The following CYB5R3 variants were observed in gnomAD, a reference collection of about 807,000 sequenced individuals.
CYB5R3 encodes the protein NADH-cytochrome b5 reductase 3.
Under a neutral mutation model 36.5 loss-of-function variants are expected in CYB5R3, and 28 were observed. That is an observed-to-expected ratio of 0.77 (90% CI 0.57 to 1.05). The LOEUF (loss-of-function observed/expected upper bound fraction) is 1.05, where lower values mean the gene tolerates loss of function less well. Among genes scored for constraint, CYB5R3 ranks in the 50% least tolerant of loss-of-function variants. The probability of loss-of-function intolerance (pLI) is 0.00; values close to 1 mark genes in which losing one functional copy is unlikely to be tolerated. For missense variants in CYB5R3, 474 were observed against 408.9 expected, an observed-to-expected ratio of 1.16 and a Z score of -1.37; for synonymous variants, 181 against 159.8, an observed-to-expected ratio of 1.13 and a Z score of -1.00.
intron 7 of CYB5R3, among the ~76,000 whole-genome samples, chr22:42,626,531 T>C (rs1287769357): frequency 1.3e-5 from 2 of 152,094 alleles, no homozygotes; most frequent in African/African-American, 4.8e-5. Context: ...ACTGCTGCCC[T>C]CTCTCCCTCC....
Position 42,618,551 on chromosome 22 carries a change from A to AAC in CYB5R3, c.*1221_*1222insGT, listed in dbSNP as rs1927759202. The AAC allele has an allele frequency of 6.7e-6, 1 of 149,894 alleles. No individual in the cohort carries two copies. Among genetic ancestry groups the AAC allele is most frequent in the African/African-American group, 2.5e-5 (1 of 40,568 alleles). The allele number at this position is 149,894 out of a possible 1,614,324, so 9.3% of individuals were successfully genotyped here. A position where few individuals can be genotyped will look rare whatever the true frequency, so the allele number is the denominator to read the frequency against. ...GACTCCGTCTCAAAAAAAAAAAAAA[A>AAC]AAAATACAAAAACTAGCTGGGTGTG... is the stretch of plus-strand genomic sequence containing the variant. On this transcript the variant is annotated 3_prime_UTR_variant, in exon 9 of 9. Transcript: ENST00000352397.
intron 5 of CYB5R3, 67 bp from the exon 6 acceptor site, chr22:42,627,755 A>G (rs982197175): frequency 2.4e-6 from 3 of 1,257,818 alleles, no homozygotes; most frequent in Non-Finnish European, 2.3e-6. Flanking sequence ...GAGAGGCTGG[A>G]GAGGGGGCTG....
At chr22:42,628,474 G>A (rs1928425083) in intron 4 of CYB5R3, among the ~76,000 whole-genome samples, 193 bp from the exon 5 acceptor site, 1 of 152,154 alleles carries the variant, frequency 6.6e-6, no homozygotes, top group Admixed American at 6.5e-5. Context: ...CGTCCTCCCA[G>A]GAGTCAGCCT....
Position 42,620,009 on chromosome 22 carries a change from C to T in CYB5R3, c.734-64G>A, listed in dbSNP as rs12106607. 8.0e-3 allele frequency: 11,572 copies of T among 1,445,772 alleles called. 754 individuals carry two copies. The African/African-American group carries it at 0.14, about 18-fold the overall frequency. The allele number at this position is 1,445,772 out of a possible 1,614,324, so 89.6% of individuals were successfully genotyped here. A position where few individuals can be genotyped will look rare whatever the true frequency, so the allele number is the denominator to read the frequency against. On this transcript the variant is annotated intron_variant, in intron 8 of 8. Transcript: ENST00000352397. ...TGTGGTCACCAACCTGCTGACCGAC[C>T]AACCCTAGGCGGTGAATTCCTTAAA...
Position 42,631,428 on chromosome 22 carries a change from C to T in CYB5R3, c.176G>A (p.Arg59His), listed in dbSNP as rs111154229. 1.3e-4 allele frequency: 208 copies of T among 1,551,482 alleles called. No individual in the cohort carries two copies. The highest frequency in any genetic ancestry group is 1.7e-4 in the Non-Finnish European group (190 of 1,146,970). Residue 59 changes from arginine (R) to histidine (H), a missense_variant, in exon 3 of 9, where the codon CGC becomes CAC. Coordinates refer to ENST00000352397, the MANE Select transcript of CYB5R3 (RefSeq NM_000398.7). The stretch of plus-strand genomic sequence containing the variant: ...GGGTGACGGCAGGGCAAAGCGGAAG[C>T]GCCGGGTGTCATGGCTGATGATCTG... ...DREIISHDTR[R>H]FRFALPSPQH...
intron 8 of CYB5R3, among the ~76,000 whole-genome samples, chr22:42,620,689 G>A (rs1036407386): frequency 1.3e-5 from 2 of 152,150 alleles, no homozygotes; most frequent in African/African-American, 2.4e-5. Flanking sequence ...TACACTCCAC[G>A]CTGTGAAGGT....
chr22:42,628,207 A>C lies in CYB5R3; in HGVS notation c.408T>G (p.Ile136Met), dbSNP rs1928401838. 6.2e-7 allele frequency: 1 copy of C among 1,614,086 alleles called. No homozygotes were observed. The highest frequency in any genetic ancestry group is 8.5e-7 in the Non-Finnish European group (1 of 1,179,974). Residue 136 changes from isoleucine (I) to methionine (M), a missense_variant, in exon 5 of 9, where the codon ATT becomes ATG. By Grantham distance (10) the Ile-to-Met change is conservative (BLOSUM62 1). Coordinates refer to ENST00000352397, the MANE Select transcript of CYB5R3 (RefSeq NM_000398.7). ...KMSQYLESMQ[I>M]GDTIEFRGPS... The stretch of plus-strand genomic sequence containing the variant: ...GGCCCCGGAACTCAATGGTGTCTCC[A>C]ATCTGCATGCTCTCCAGGTACTGAG...
At position 42,636,745 on chromosome 22, in the gene CYB5R3, G is replaced by C; in HGVS notation, c.123C>G (p.Ile41Met). ...TPAITLESPDIKYPLRLIDRE... is the reference protein window; with the variant it reads ...TPAITLESPDMKYPLRLIDRE... ...GGTCGATGAGCCGCAGCGGGTACTT[G>C]ATGTCCGGGCTCTCGAGGGTGATGG... Residue 41 changes from isoleucine to methionine, a missense_variant, in exon 2 of 9, where the codon ATC becomes ATG. Ile to Met is a conservative substitution (Grantham distance 10). Coordinates refer to ENST00000352397, the MANE Select transcript of CYB5R3 (RefSeq NM_000398.7). The C allele has an allele frequency of 6.2e-7, 1 of 1,613,504 alleles. No homozygotes were observed. Among genetic ancestry groups the C allele is most frequent in the Non-Finnish European group, 8.5e-7 (1 of 1,179,988 alleles).
At chr22:42,624,796 G>T (rs1928180431) in intron 7 of CYB5R3, among the ~76,000 whole-genome samples, 1 of 152,056 alleles carries the variant, frequency 6.6e-6, no homozygotes, top group Non-Finnish European at 1.5e-5. Flanking sequence ...TCCCAGGCTG[G>T]GCAAGGGCGG....
intron 7 of CYB5R3, among the ~76,000 whole-genome samples, chr22:42,626,490 C>T (rs1928274508): frequency 6.6e-6 from 1 of 152,142 alleles, no homozygotes; most frequent in Non-Finnish European, 1.5e-5. Flanking sequence ...TGACGGCCTC[C>T]ACAGACTCTG....
chr22:42,627,706 G>C lies in CYB5R3; in HGVS notation c.464-18C>G, dbSNP rs1010827622. On this transcript the variant is annotated intron_variant, in intron 5 of 8. Transcript: ENST00000352397. ...GAACTTCCCTGGGGAGAGAGAAGGGGTGAGGCCCGGCCATCAAACATGCCA... is the reference window on the plus strand; with the variant it reads ...GAACTTCCCTGGGGAGAGAGAAGGGCTGAGGCCCGGCCATCAAACATGCCA... The C allele has an allele frequency of 1.3e-6, 2 of 1,579,562 alleles. No homozygotes were observed.
rs781677617 is a variant in CYB5R3, at chr22:42,627,587, G to A, written c.547+18C>T. 6 of 1,610,334 alleles carry A rather than the reference G, an allele frequency of 3.7e-6. No homozygotes were observed. The highest frequency in any genetic ancestry group is 3.3e-5 in the South Asian group (3 of 91,024). On this transcript the variant is annotated intron_variant, in intron 6 of 8. Coordinates refer to ENST00000352397, the MANE Select transcript of CYB5R3 (RefSeq NM_000398.7). Reference sequence around the variant, plus strand: ...TTAACATGAGCCGCCGGACGCCTCAGTGGGGGGTTCCGTGTACCTGTCCCT... The same window carrying A: ...TTAACATGAGCCGCCGGACGCCTCAATGGGGGGTTCCGTGTACCTGTCCCT...
At chr22:42,639,761 G>T in intron 1 of CYB5R3, 1 of 584,460 alleles carries the variant, frequency 1.7e-6, no homozygotes, top group Non-Finnish European at 3.0e-6. Flanking sequence ...AATATTTAGG[G>T]GCAAAGGGGC....
At chr22:42,630,290 A>C (rs737733) in intron 4 of CYB5R3, among the ~76,000 whole-genome samples, 78,186 of 151,918 alleles carry the variant, frequency 0.51, 20,660 homozygotes, top group East Asian at 0.87. Flanking sequence ...AGACAACACC[A>C]CACGAGCCCC....
intron 1 of CYB5R3, among the ~76,000 whole-genome samples, chr22:42,648,274 G>C (rs1929618634): frequency 1.1e-5 from 1 of 94,866 alleles, no homozygotes; most frequent in African/African-American, 3.6e-5. Context: ...GCAGATGCCA[G>C]GCATAGAGGT....
intron 4 of CYB5R3, among the ~76,000 whole-genome samples, chr22:42,628,609 A>C (rs1221017594): frequency 6.6e-6 from 1 of 151,846 alleles, no homozygotes. Context: ...GAGACACTGA[A>C]CCCGTCAGCA....
intron 8 of CYB5R3, among the ~76,000 whole-genome samples, chr22:42,620,800 C>A (rs189990541): frequency 4.6e-5 from 7 of 152,318 alleles, no homozygotes; most frequent in Non-Finnish European, 8.8e-5. Flanking sequence ...ACTCCATGAG[C>A]TAAGTCACTG....
intron 1 of CYB5R3, 89 bp from the exon 2 acceptor site, chr22:42,636,935 G>T (rs1928934671): frequency 6.5e-7 from 1 of 1,536,216 alleles, no homozygotes. Flanking sequence ...CTCTGCTCAC[G>T]CTGCCCCCTC....
intron 1 of CYB5R3, chr22:42,644,341 C>G: frequency 1.4e-6 from 1 of 702,804 alleles, no homozygotes; most frequent in South Asian, 1.5e-5. Flanking sequence ...CATAGCTCCC[C>G]ACTGCCTACC....
Sources: gnomAD v4.1 joint callset for allele counts (sites outside exome capture counted in the v4.1 genomes callset) on GRCh38, gnomAD v4.1.1 for gene constraint, MANE v1.5 for transcripts, NCBI Gene and HGNC (gene_info 2026-07-23, HGNC 2026-07-21) for gene names.